Variants in POLR1B observed in about 807,000 individuals in gnomAD.
POLR1B encodes DNA-directed RNA polymerase I subunit RPA2.
POLR1B carries 30 observed loss-of-function variants against 105.8 expected under a neutral mutation model. The ratio of observed to expected loss-of-function variants is 0.28; its 90% confidence interval spans 0.21 to 0.38. The LOEUF (loss-of-function observed/expected upper bound fraction) is 0.38, where lower values mean the gene tolerates loss of function less well. Ranked by LOEUF, POLR1B falls within the 10% of genes least tolerant of loss-of-function variation. The probability of loss-of-function intolerance (pLI) is 1.00; values close to 1 mark genes in which losing one functional copy is unlikely to be tolerated. For synonymous variants in POLR1B, 485 were observed against 505.1 expected (o/e 0.96, Z 0.53); for missense variants, 976 against 1,435.8 (o/e 0.68, Z 5.17).
Position 112,559,956 on chromosome 2 carries a change from A to G in POLR1B, c.1612+382A>G, listed in dbSNP as rs376080042. ...AGGTTACGTGGTTTTTAACCTGTTA[A>G]GTTGTGCTGCTTTTGGAGATTCAGC... On this transcript the variant is annotated intron_variant, in intron 9 of 14. Coordinates refer to ENST00000263331, the MANE Select transcript of POLR1B (RefSeq NM_019014.6). Among the ~76,000 whole-genome samples the G allele has an allele frequency of 9.2e-5, 14 of 152,142 alleles. No homozygotes were observed. The East Asian group carries it at 2.1e-3, about 23-fold the overall frequency.
chr2:112,554,226 G>A (rs913747678), intron 7 of POLR1B, among the ~76,000 whole-genome samples: 1 of 151,896 alleles, frequency 6.6e-6, no homozygotes, highest in East Asian at 1.9e-4. Context: ...TCCACCTCCC[G>A]GGTTCAAACA....
At chr2:112,542,762 G>A in intron 1 of POLR1B, 91 bp downstream of exon 1, 2 of 1,472,204 alleles carry the variant, frequency 1.4e-6, no homozygotes, top group Non-Finnish European at 1.8e-6. Context: ...AGATGCATGT[G>A]CTCCTTGATC....
At chr2:112,565,018 A>T (rs1018264050) in intron 10 of POLR1B, among the ~76,000 whole-genome samples, 1 of 152,110 alleles carries the variant, frequency 6.6e-6, no homozygotes, top group Non-Finnish European at 1.5e-5. Context: ...TTTGTGGTTT[A>T]TATTCTGTTC....
At position 112,575,884 on chromosome 2, in the gene POLR1B, G is replaced by C. The variant is rs1684838985; in HGVS notation, c.*155G>C. On this transcript the variant is annotated 3_prime_UTR_variant, in exon 15 of 15. Coordinates refer to ENST00000263331, the MANE Select transcript of POLR1B (RefSeq NM_019014.6). The surrounding 1 kb of genome is among the most constrained non-coding windows in gnomAD (Gnocchi z 5.3). ...TGAAAACCAAGTATGCAAGGTTTCT[G>C]AATCTCTCTGGTAGATTAACTATTG... 2.9e-6 allele frequency: 2 copies of C among 699,074 alleles called. No individual in the cohort carries two copies. Among genetic ancestry groups the C allele is most frequent in the Non-Finnish European group, 4.7e-6 (2 of 428,552 alleles). The allele number at this position is 699,074 out of a possible 1,614,324, so 43.3% of individuals were successfully genotyped here. A position where few individuals can be genotyped will look rare whatever the true frequency, so the allele number is the denominator to read the frequency against.
At chr2:112,542,995 G>A (rs540302461) in intron 1 of POLR1B, among the ~76,000 whole-genome samples, 1 of 152,292 alleles carries the variant, frequency 6.6e-6, no homozygotes, top group South Asian at 2.1e-4. Context: ...TATATCACTT[G>A]AAGACTTACC....
chr2:112,553,232 G>A (rs951666074), intron 7 of POLR1B, among the ~76,000 whole-genome samples: 6 of 152,196 alleles, frequency 3.9e-5, no homozygotes, highest in African/African-American at 1.2e-4. Context: ...GTCTCCTGAG[G>A]CAAATGTTAC....
At position 112,559,149 on chromosome 2, in the gene POLR1B, A is replaced by G. The variant is rs1238249787; in HGVS notation, c.1331-144A>G. 2.9e-6 allele frequency: 3 copies of G among 1,033,330 alleles called. No individual in the cohort carries two copies. In the African/African-American group the frequency reaches 4.8e-5, roughly 17 times the overall value. The allele number at this position is 1,033,330 out of a possible 1,614,324, so 64.0% of individuals were successfully genotyped here. On this transcript the variant is annotated intron_variant, in intron 8 of 14. Coordinates refer to ENST00000263331, the MANE Select transcript of POLR1B (RefSeq NM_019014.6). The stretch of plus-strand genomic sequence containing the variant: ...ACATATTTTTTTGTGAACTCTTTAC[A>G]CTCATCAGAGCTAGGAGAATAAATG...
chr2:112,549,156 C>T (rs780110520), intron 3 of POLR1B, 111 bp from the exon 4 acceptor site: 52 of 1,208,698 alleles, frequency 4.3e-5, no homozygotes, highest in Non-Finnish European at 8.4e-6. Context: ...GTACATTTCA[C>T]CTCTGTGTTC....
At position 112,564,446 on chromosome 2, in the gene POLR1B, T is replaced by C. The variant is rs761751969; in HGVS notation, c.1693T>C (p.Trp565Arg). ...CCTGCTGGACGGTGTCATGGTTGGC[T>C]GGGTGGATAAGGATCTTGCTCCAGG... ...PVLLDGVMVG[W>R]VDKDLAPGIA... The change falls in exon 10 of 15, where the codon TGG (tryptophan) becomes CGG (arginine). Residue 565 changes from tryptophan to arginine, a missense_variant. Trp to Arg is a moderately radical substitution (Grantham distance 101). Transcript: ENST00000263331. 2 of 1,614,260 alleles carry C rather than the reference T, an allele frequency of 1.2e-6. No individual in the cohort carries two copies. The highest frequency in any genetic ancestry group is 1.7e-6 in the Non-Finnish European group (2 of 1,180,034).
intron 2 of POLR1B, 46 bp from the exon 3 acceptor site, chr2:112,547,375 A>G: frequency 6.3e-7 from 1 of 1,583,094 alleles, no homozygotes; most frequent in Non-Finnish European, 8.6e-7. Context: ...GTTCTCGTAA[A>G]TGCAGATATT....
chr2:112,573,707 A>C lies in POLR1B; in HGVS notation c.2417A>C (p.Lys806Thr). The C allele has an allele frequency of 1.2e-6, 2 of 1,614,244 alleles. No individual in the cohort carries two copies. Among genetic ancestry groups the C allele is most frequent in the Non-Finnish European group, 1.7e-6 (2 of 1,180,052 alleles). ...CCTGGTGACCCACGCGTTCTGCAGA[A>C]GTTAGATGACGATGGATTGCCGTTT... ...IKPGDPRVLQKLDDDGLPFIG... is the reference protein window; with the variant it reads ...IKPGDPRVLQTLDDDGLPFIG... Residue 806 changes from lysine (K) to threonine (T), a missense_variant, in exon 14 of 15, where the codon AAG becomes ACG. Around this residue, in one of 12 missense-constraint regions of POLR1B, gnomAD observed 119 missense variants for 149.7 expected, o/e 0.79. Coordinates refer to ENST00000263331, the MANE Select transcript of POLR1B (RefSeq NM_019014.6).
chr2:112,549,293 T>C lies in POLR1B; in HGVS notation c.519T>C (p.Asn173=). Residue 173 remains asparagine, a synonymous_variant, in exon 4 of 15, where the codon AAT becomes AAC. Transcript: ENST00000263331. ...AEEMGGYFII[N]GIEKVIRMLI... is the part of the protein sequence containing the mutation. ...AAATGGGGGGCTATTTTATAATCAA[T>C]GGCATTGAAAAAGTCATCCGAATGT... is the stretch of plus-strand genomic sequence containing the variant. The C allele has an allele frequency of 6.2e-7, 1 of 1,613,512 alleles. No homozygotes were observed. The highest frequency in any genetic ancestry group is 8.5e-7 in the Non-Finnish European group (1 of 1,179,768).
Position 112,575,927 on chromosome 2 carries a change from T to C in POLR1B, c.*198T>C, listed in dbSNP as rs1041763349. ...AACTATTGACAATGATTTTCTGTTA[T>C]CTTTGTTCAAAAAGTTCATGTCTTC... On this transcript the variant is annotated 3_prime_UTR_variant, in exon 15 of 15. Coordinates refer to ENST00000263331, the MANE Select transcript of POLR1B (RefSeq NM_019014.6). This position sits in a 1 kb window ranked among gnomAD's most constrained non-coding sequence, Gnocchi z 5.3. The C allele has an allele frequency of 5.2e-6, 3 of 575,652 alleles. No homozygotes were observed. Among genetic ancestry groups the C allele is most frequent in the Non-Finnish European group, 9.0e-6 (3 of 333,744 alleles). The allele number at this position is 575,652 out of a possible 1,614,324, so 35.7% of individuals were successfully genotyped here.
At chr2:112,555,910 T>C (rs1276612596) in intron 7 of POLR1B, among the ~76,000 whole-genome samples, 1 of 152,156 alleles carries the variant, frequency 6.6e-6, no homozygotes, top group African/African-American at 2.4e-5. Context: ...AAATAAGCAA[T>C]ATAAAATTGA....
chr2:112,569,862 A>C (rs1684500872), intron 12 of POLR1B, among the ~76,000 whole-genome samples: 1 of 151,584 alleles, frequency 6.6e-6, no homozygotes. Context: ...CCCGGCCTCA[A>C]ATTTTGTTTT....
rs10169344 is a variant in POLR1B, at chr2:112,574,844, T to C, written c.2526-3T>C. The C allele has an allele frequency of 0.1, 165,699 of 1,601,208 alleles. 11,404 individuals are homozygous for C. The highest frequency in any genetic ancestry group is 0.31 in the East Asian group (13,960 of 44,580). On this transcript the variant is annotated splice_polypyrimidine_tract_variant and splice_region_variant and intron_variant, in intron 14 of 14. Coordinates refer to ENST00000263331, the MANE Select transcript of POLR1B (RefSeq NM_019014.6). ...TGACCTTATATGGTTTACTTTTTCC[T>C]AGGAGTAAAGAAAATTGTGTTGTGG...
chr2:112,558,548 G>A (rs1003228121), intron 8 of POLR1B, among the ~76,000 whole-genome samples: 4 of 152,114 alleles, frequency 2.6e-5, no homozygotes, highest in Admixed American at 2.6e-4. Flanking sequence ...TGGTGACAGA[G>A]TGAGACCCTG....
At chr2:112,568,655 TGA>T in intron 11 of POLR1B, 89 bp from the exon 12 acceptor site, 1 of 1,430,982 alleles carries the variant, frequency 7.0e-7, no homozygotes, top group Non-Finnish European at 9.6e-7. Flanking sequence ...GGTTTTCTCT[TGA>T]GTCTTTGAGT....
chr2:112,544,742 AAAGCC>A (rs1268223471), intron 1 of POLR1B, among the ~76,000 whole-genome samples: 1 of 152,230 alleles, frequency 6.6e-6, no homozygotes, highest in African/African-American at 2.4e-5. Flanking sequence ...TAATACTTAT[AAAGCC>A]AAGGGAAAAA....
Sources: allele counts gnomAD v4.1 joint callset (sites outside exome capture counted in the v4.1 genomes callset), GRCh38; gene constraint gnomAD v4.1.1; regional missense constraint gnomAD v4.1.1; non-coding constraint Gnocchi (gnomAD v3.1); transcripts MANE v1.5; gene names NCBI Gene and HGNC (gene_info 2026-07-23, HGNC 2026-07-21).